Variants in MAP1B observed in about 807,000 individuals in gnomAD.
MAP1B encodes microtubule-associated protein 1B.
A neutral mutation model predicts 176.1 loss-of-function variants in MAP1B; 12 were observed. That is an observed-to-expected ratio of 0.07 (90% CI 0.04 to 0.11). The LOEUF (loss-of-function observed/expected upper bound fraction) is 0.11. MAP1B is among the 10% of genes least tolerant of loss of function. The pLI is 1.00. For missense variants in MAP1B, 2,523 were observed against 2,990.5 expected (o/e 0.84, Z 3.65); for synonymous variants, 1,044 against 1,135.0 (o/e 0.92, Z 1.61).
At chr5:72,193,791 A>G in intron 4 of MAP1B, 75 bp from the exon 5 acceptor site, 2 of 1,443,122 alleles carry the variant, frequency 1.4e-6, no homozygotes, top group East Asian at 2.4e-5. Context: ...ACACATAGTT[A>G]TAGCTGGAGA....
Position 72,196,089 on chromosome 5 carries a change from C to G in MAP1B, c.2734C>G (p.Leu912Val). The G allele has an allele frequency of 6.2e-7, 1 of 1,614,138 alleles. No individual in the cohort carries two copies. The highest frequency in any genetic ancestry group is 8.5e-7 in the Non-Finnish European group (1 of 1,180,038). The change falls in exon 5 of 7, where the codon CTG becomes GTG. Residue 912 changes from leucine (L) to valine (V), a missense_variant. Coordinates refer to ENST00000296755, the MANE Select transcript of MAP1B (RefSeq NM_005909.5). The surrounding 1 kb of genome is among the most constrained non-coding windows in gnomAD (Gnocchi z 5.3). ...EGECEQTPEE[L>V]EPVEKQGVDD... is the part of the protein sequence containing the mutation. The stretch of plus-strand genomic sequence containing the variant: ...CGAATGTGAACAGACACCTGAGGAG[C>G]TGGAGCCCGTCGAGAAGCAGGGAGT...
At chr5:72,179,977 C>T (rs1262670239) in intron 2 of MAP1B, 3 of 971,016 alleles carry the variant, frequency 3.1e-6, no homozygotes, top group Admixed American at 6.2e-5. Flanking sequence ...AAGGAACTGC[C>T]GGTGGATGGT....
chr5:72,155,838 C>T (rs1355881327), intron 2 of MAP1B, among the ~76,000 whole-genome samples: 1 of 146,244 alleles, frequency 6.8e-6, no homozygotes, highest in Non-Finnish European at 1.5e-5. Context: ...GCAATCTCAT[C>T]TTAGTGCAAT....
At chr5:72,119,569 G>T (rs575345365) in intron 2 of MAP1B, among the ~76,000 whole-genome samples, 4 of 152,186 alleles carry the variant, frequency 2.6e-5, no homozygotes, top group African/African-American at 4.8e-5. Flanking sequence ...GTGCAGTGGT[G>T]CAATCTTGGC....
At chr5:72,179,355 A>G (rs933148643) in intron 2 of MAP1B, among the ~76,000 whole-genome samples, 5 of 152,204 alleles carry the variant, frequency 3.3e-5, no homozygotes, top group Non-Finnish European at 5.9e-5. Context: ...AATGCGGACT[A>G]CAATGGTGGA....
intron 2 of MAP1B, among the ~76,000 whole-genome samples, chr5:72,120,041 T>C (rs1338735049): frequency 5.9e-5 from 9 of 152,146 alleles, no homozygotes; most frequent in Non-Finnish European, 1.2e-4. Flanking sequence ...CTATGTATAG[T>C]AGTAAAGAAG....
Position 72,206,881 on chromosome 5 carries a change from G to C in MAP1B, c.*1642G>C, listed in dbSNP as rs900966946. ...TGCTACTTGAGAGTGGGGGAGAATG[G>C]CATGGTAGGCTACTTTTCAGGGCCT... On this transcript the variant is annotated 3_prime_UTR_variant, in exon 7 of 7. Transcript: ENST00000296755. The C allele has an allele frequency of 3.3e-5, 5 of 152,094 alleles. No homozygotes were observed. Among genetic ancestry groups the C allele is most frequent in the Non-Finnish European group, 7.4e-5 (5 of 68,014 alleles). The allele number at this position is 152,094 out of a possible 1,614,324, so 9.4% of individuals were successfully genotyped here.
intron 2 of MAP1B, among the ~76,000 whole-genome samples, chr5:72,139,692 A>G (rs916338722): frequency 1.3e-5 from 2 of 152,222 alleles, no homozygotes; most frequent in Non-Finnish European, 2.9e-5. Context: ...AGGTTATAAA[A>G]TGAAAGCAGA....
At chr5:72,170,896 G>A (rs945174898) in intron 2 of MAP1B, among the ~76,000 whole-genome samples, 1 of 152,120 alleles carries the variant, frequency 6.6e-6, no homozygotes, top group African/African-American at 2.4e-5. Context: ...GCAGTAAGCC[G>A]AGATCGTGCC....
chr5:72,203,107 T>A (rs1747366234), intron 5 of MAP1B, among the ~76,000 whole-genome samples: 1 of 152,214 alleles, frequency 6.6e-6, no homozygotes, highest in Non-Finnish European at 1.5e-5. Flanking sequence ...TTGCTATCAA[T>A]GAGACCCTAA....
At chr5:72,129,294 G>A (rs1487616957) in intron 2 of MAP1B, among the ~76,000 whole-genome samples, 10 of 152,088 alleles carry the variant, frequency 6.6e-5, no homozygotes, top group African/African-American at 1.9e-4. Flanking sequence ...GGTGGCTCAC[G>A]CCTGTAATCC....
At chr5:72,114,942 T>C (rs968492082) in intron 1 of MAP1B, among the ~76,000 whole-genome samples, 2 of 152,166 alleles carry the variant, frequency 1.3e-5, no homozygotes, top group Admixed American at 6.5e-5. Context: ...TCCATAAATG[T>C]TTTATAAAGT....
intron 2 of MAP1B, among the ~76,000 whole-genome samples, chr5:72,151,911 C>T (rs1050074238): frequency 3.3e-5 from 5 of 152,208 alleles, no homozygotes; most frequent in Non-Finnish European, 7.3e-5. Flanking sequence ...TTTAGATTTA[C>T]AGACCAGTTG....
At chr5:72,176,410 G>A (rs569891662) in intron 2 of MAP1B, among the ~76,000 whole-genome samples, 50 of 152,344 alleles carry the variant, frequency 3.3e-4, no homozygotes, top group African/African-American at 1.2e-3. Flanking sequence ...CTCATGGAGC[G>A]TGACAAGGGT....
intron 1 of MAP1B, among the ~76,000 whole-genome samples, chr5:72,111,817 C>T (rs1454167600): frequency 6.6e-6 from 1 of 152,090 alleles, no homozygotes; most frequent in African/African-American, 2.4e-5. Flanking sequence ...AATTATGTCA[C>T]TTCTCATTTG....
intron 2 of MAP1B, among the ~76,000 whole-genome samples, 168 bp from the exon 3 acceptor site, chr5:72,183,575 C>G (rs542925267): frequency 6.6e-6 from 1 of 152,348 alleles, no homozygotes. Flanking sequence ...TGGCTGCACC[C>G]TCTTTTTTAA....
intron 2 of MAP1B, among the ~76,000 whole-genome samples, chr5:72,159,441 TA>T (rs56144780): frequency 9.3e-6 from 1 of 107,684 alleles, no homozygotes; most frequent in South Asian, 3.6e-4. Context: ...GGCAGATAGA[TA>T]GTGTATGTTA....
intron 4 of MAP1B, among the ~76,000 whole-genome samples, chr5:72,190,669 T>C (rs1747007137): frequency 6.6e-6 from 1 of 152,158 alleles, no homozygotes; most frequent in Non-Finnish European, 1.5e-5. Flanking sequence ...GGCCAGAAAA[T>C]GAGACTTGAG....
intron 2 of MAP1B, among the ~76,000 whole-genome samples, chr5:72,117,791 C>T (rs142334129): frequency 6.6e-6 from 1 of 152,334 alleles, no homozygotes; most frequent in East Asian, 1.9e-4. Flanking sequence ...CCTGTCAAGC[C>T]TATGAGTACG....
Sources: allele counts gnomAD v4.1 joint callset (sites outside exome capture counted in the v4.1 genomes callset), GRCh38; gene constraint gnomAD v4.1.1; non-coding constraint Gnocchi (gnomAD v3.1); transcripts MANE v1.5; gene names NCBI Gene and HGNC (gene_info 2026-07-23, HGNC 2026-07-21).